Variants in MACF1 observed in about 807,000 individuals in gnomAD.
MACF1 encodes the protein microtubule actin crosslinking factor 1.
In MACF1, 193 loss-of-function variants were observed where a neutral mutation model predicts 854.8. The ratio of observed to expected loss-of-function variants is 0.23; its 90% CI spans 0.20 to 0.25. The LOEUF (loss-of-function observed/expected upper bound fraction) is 0.25, where lower values mean the gene tolerates loss of function less well. MACF1 is among the 10% of genes least tolerant of loss of function. The probability of loss-of-function intolerance (pLI) is 1.00; values close to 1 mark genes in which losing one functional copy is unlikely to be tolerated. For missense variants in MACF1, 7,722 were observed against 8,929.1 expected (o/e 0.86, Z 5.45); for synonymous variants, 3,185 against 3,226.7 (o/e 0.99, Z 0.44).
At chr1:39,163,520 G>A (rs1241806969) in intron 2 of MACF1, among the ~76,000 whole-genome samples, 2 of 152,108 alleles carry the variant, frequency 1.3e-5, no homozygotes, top group Non-Finnish European at 2.9e-5. Context: ...TAGTCTGTAG[G>A]TAGTTCCAGA....
At chr1:39,111,781 T>TG (rs1223865291) in intron 2 of MACF1, among the ~76,000 whole-genome samples, 1 of 152,308 alleles carries the variant, frequency 6.6e-6, no homozygotes, top group East Asian at 1.9e-4. Flanking sequence ...CCCAAAACGC[T>TG]GGGATTTCAG....
chr1:39,344,778 G>T (rs1397684156), intron 40 of MACF1, among the ~76,000 whole-genome samples: 1 of 152,150 alleles, frequency 6.6e-6, no homozygotes, highest in Non-Finnish European at 1.5e-5. Flanking sequence ...CTCTTAGTGC[G>T]CATGCTTGAG....
chr1:39,201,076 G>A (rs534965996), upstream of MACF1, among the ~76,000 whole-genome samples: 2 of 152,258 alleles, frequency 1.3e-5, no homozygotes, highest in East Asian at 3.9e-4. Context: ...CCCATCTCAG[G>A]AAATAGCAGT....
At chr1:39,259,229 G>A (rs1645129582) in intron 6 of MACF1, among the ~76,000 whole-genome samples, 1 of 152,176 alleles carries the variant, frequency 6.6e-6, no homozygotes, top group Non-Finnish European at 1.5e-5. Context: ...GGGAGGTAAG[G>A]AGAATTTATT....
At chr1:39,115,941 A>C (rs1326412068) in intron 2 of MACF1, among the ~76,000 whole-genome samples, 1 of 152,212 alleles carries the variant, frequency 6.6e-6, no homozygotes, top group East Asian at 1.9e-4. Flanking sequence ...GGTTACTGCT[A>C]CTGGAACATT....
intron 2 of MACF1, among the ~76,000 whole-genome samples, chr1:39,163,115 C>T (rs890206415): frequency 2.0e-5 from 3 of 151,906 alleles, no homozygotes; most frequent in Non-Finnish European, 1.5e-5. Context: ...CACTTTGGGA[C>T]GCCGAGGCTG....
intron 2 of MACF1, among the ~76,000 whole-genome samples, chr1:39,193,343 T>A (rs1250900164): frequency 1.3e-5 from 2 of 152,138 alleles, no homozygotes; most frequent in African/African-American, 2.4e-5. Flanking sequence ...GTAATATGGC[T>A]GTTGAGGTTG....
chr1:39,107,420 CTCTT>C (rs1210577155), intron 2 of MACF1, among the ~76,000 whole-genome samples: 2 of 151,880 alleles, frequency 1.3e-5, no homozygotes, highest in Non-Finnish European at 2.9e-5. Flanking sequence ...AGACACAGGT[CTCTT>C]TCTTGAGGGG....
rs1570166241 is a variant in MACF1 at position 39,461,825 on chromosome 1, A to C, written c.21524-58A>C. On this transcript the variant is annotated intron_variant, in intron 92 of 100. Coordinates refer to ENST00000564288, the MANE Select transcript of MACF1 (RefSeq NM_001394062.1). The stretch of plus-strand genomic sequence containing the variant: ...AAAAAAAAAAAAAAAAAAATCTATA[A>C]CCGCCAACCGAACAAGTACCCCTCT... The C allele has an allele frequency of 2.3e-5, 23 of 1,014,206 alleles. No individual in the cohort carries two copies. The South Asian group carries it at 3.6e-4, about 16-fold the overall frequency. 62.8% of individuals were successfully genotyped at this position (1,014,206 alleles called of 1,614,324 possible). A position where few individuals can be genotyped will look rare whatever the true frequency, so the allele number is the denominator to read the frequency against.
At chr1:39,449,964 A>G (rs1373685570) in intron 84 of MACF1, among the ~76,000 whole-genome samples, 3 of 151,728 alleles carry the variant, frequency 2.0e-5, no homozygotes, top group Non-Finnish European at 4.4e-5. Flanking sequence ...GGTTCAAGCA[A>G]TTCTTCTTCC....
At chr1:39,198,702 G>A (rs1290937782) in intron 2 of MACF1, among the ~76,000 whole-genome samples, 4 of 151,358 alleles carry the variant, frequency 2.6e-5, no homozygotes, top group Non-Finnish European at 5.9e-5. Flanking sequence ...GCACACACCT[G>A]TAGTCACAGC....
intron 2 of MACF1, among the ~76,000 whole-genome samples, chr1:39,160,100 A>G (rs1239995767): frequency 6.6e-6 from 1 of 152,128 alleles, no homozygotes; most frequent in Non-Finnish European, 1.5e-5. Context: ...GGATCGCTTG[A>G]ACCCAGGAGT....
intron 58 of MACF1, among the ~76,000 whole-genome samples, chr1:39,390,013 G>A (rs1641968629): frequency 1.3e-5 from 2 of 152,192 alleles, no homozygotes; most frequent in South Asian, 2.1e-4. Flanking sequence ...TAAAGTAACA[G>A]GAGATGATTA....
At chr1:39,138,152 G>T (rs1643231193) in intron 2 of MACF1, among the ~76,000 whole-genome samples, 1 of 150,926 alleles carries the variant, frequency 6.6e-6, no homozygotes, top group Admixed American at 6.6e-5. Flanking sequence ...TGCTACTCTG[G>T]ATTATGTGCT....
chr1:39,483,291 T>C lies in MACF1; in HGVS notation c.22282-1310T>C, dbSNP rs182511478. Among the ~76,000 whole-genome samples, 100 of 152,222 alleles carry C rather than the reference T, an allele frequency of 6.6e-4. 1 individual carries two copies. In the Middle Eastern group the frequency reaches 0.027, roughly 41 times the overall value. On this transcript the variant is annotated intron_variant, in intron 99 of 100. Transcript: ENST00000564288. ...TTTATTCATGCAAGTTTTTATTGAGTTCCTCTTCTGTGCTGTGCAGAACAC... is the reference window on the plus strand; with the variant it reads ...TTTATTCATGCAAGTTTTTATTGAGCTCCTCTTCTGTGCTGTGCAGAACAC...
Position 39,255,143 on chromosome 1 carries a change from G to A in MACF1, c.435+768G>A, listed in dbSNP as rs75044098. On this transcript the variant is annotated intron_variant, in intron 5 of 100. Coordinates refer to ENST00000564288, the MANE Select transcript of MACF1 (RefSeq NM_001394062.1). ...AGAGCAAAGCTGAGACTTTAACTCAGGCCTTCTGACATGCAGTTTAGTGCA... is the reference window on the plus strand; with the variant it reads ...AGAGCAAAGCTGAGACTTTAACTCAAGCCTTCTGACATGCAGTTTAGTGCA... Among the ~76,000 whole-genome samples the A allele has an allele frequency of 7.5e-3, 1,141 of 152,186 alleles. 10 individuals are homozygous for A. Among genetic ancestry groups the A allele is most frequent in the Middle Eastern group, 0.017 (5 of 294 alleles).
intron 58 of MACF1, among the ~76,000 whole-genome samples, chr1:39,396,143 A>G (rs1642262332): frequency 6.6e-6 from 1 of 152,138 alleles, no homozygotes; most frequent in African/African-American, 2.4e-5. Flanking sequence ...GATCGAGACC[A>G]TTCTGGCCAA....
At chr1:39,443,811 C>G (rs967028835) in intron 79 of MACF1, among the ~76,000 whole-genome samples, 1 of 152,152 alleles carries the variant, frequency 6.6e-6, no homozygotes, top group Non-Finnish European at 1.5e-5. Flanking sequence ...TTTACTGGCA[C>G]ACATATATTG....
chr1:39,175,424 C>T lies in MACF1; in HGVS notation c.221-55758C>T, dbSNP rs115229554. On this transcript the variant is annotated intron_variant, in intron 2 of 93. Coordinates refer to the MACF1 transcript ENST00000361689. Reference sequence around the variant, plus strand: ...ATGCTCACAATGTGAAGAGGCACACCGGACTTAGACATGCTAAAGTCTCAG... The same window carrying T: ...ATGCTCACAATGTGAAGAGGCACACTGGACTTAGACATGCTAAAGTCTCAG... Among the ~76,000 whole-genome samples the T allele has an allele frequency of 8.4e-3, 1,284 of 152,256 alleles. 16 individuals carry two copies. The highest frequency in any genetic ancestry group is 0.029 in the African/African-American group (1,200 of 41,540).
Sources: allele counts gnomAD v4.1 joint callset (sites outside exome capture counted in the v4.1 genomes callset), GRCh38; gene constraint gnomAD v4.1.1; transcripts MANE v1.5; gene names NCBI Gene and HGNC (gene_info 2026-07-23, HGNC 2026-07-21).